MSANTD4: variants seen among roughly 807,000 people sequenced by gnomAD.
MSANTD4 encodes myb/SANT-like DNA-binding domain-containing protein 4.
In MSANTD4, 13 loss-of-function variants were observed where a neutral mutation model predicts 34.3. The observed-to-expected ratio is 0.38, with a 90% CI of 0.25 to 0.60. The LOEUF is 0.60. Ranked by LOEUF, MSANTD4 falls within the 20% of genes least tolerant of loss-of-function variation. The probability of loss-of-function intolerance (pLI) is 0.63; values close to 1 mark genes in which losing one functional copy is unlikely to be tolerated. For synonymous variants in MSANTD4, 137 were observed against 145.2 expected, an observed-to-expected ratio of 0.94 and a Z score of 0.41; for missense variants, 358 against 401.8, an observed-to-expected ratio of 0.89 and a Z score of 0.93.
Position 106,009,946 on chromosome 11 carries a change from T to G in MSANTD4, c.627A>C (p.Lys209Asn), listed in dbSNP as rs1274384709. 1.9e-6 allele frequency: 3 copies of G among 1,613,548 alleles called. No homozygotes were observed. Among genetic ancestry groups the G allele is most frequent in the Admixed American group, 3.3e-5 (2 of 60,002 alleles). The change falls in exon 3 of 3, where the codon AAA (lysine) becomes AAC (asparagine). Residue 209 changes from lysine to asparagine, a missense_variant. Physicochemically the swap from Lys to Asn is moderately conservative, Grantham distance 94. Coordinates refer to ENST00000301919, the MANE Select transcript of MSANTD4 (RefSeq NM_032424.3). ...DEPHLLVNIE[K>N]QKLELEKRRL... ...GTCGTTTTTCCAACTCTAGTTTCTG[T>G]TTCTCAATATTTACGAGCAAATGAG...
Position 106,021,028 on chromosome 11 carries a change from T to C in MSANTD4, c.-217A>G, listed in dbSNP as rs1471994853. 1 of 152,206 alleles carries C rather than the reference T, an allele frequency of 6.6e-6. No individual in the cohort carries two copies. Among genetic ancestry groups the C allele is most frequent in the Non-Finnish European group, 1.5e-5 (1 of 68,032 alleles). 9.4% of individuals were successfully genotyped at this position (152,206 alleles called of 1,614,324 possible). A position where few individuals can be genotyped will look rare whatever the true frequency, so the allele number is the denominator to read the frequency against. Reference sequence around the variant, plus strand: ...TCTCCTTTATATGCCGGTATCCAAGTAACAGAAGCTTGGGTTTTCTACCAT... The same window carrying C: ...TCTCCTTTATATGCCGGTATCCAAGCAACAGAAGCTTGGGTTTTCTACCAT... On this transcript the variant is annotated 5_prime_UTR_variant, in exon 1 of 3. Transcript: ENST00000301919.
chr11:106,011,445 C>T (rs1158404866), intron 1 of MSANTD4, among the ~76,000 whole-genome samples: 1 of 152,210 alleles, frequency 6.6e-6, no homozygotes, highest in Non-Finnish European at 1.5e-5. Context: ...AAATGGATTG[C>T]TCCCTTCTCG....
In MSANTD4 at chr11:106,009,933, A is replaced by G. The variant is rs77581633; in HGVS notation, c.640T>C (p.Leu214=). The G allele has an allele frequency of 0.023, 36,970 of 1,613,530 alleles. 523 individuals are homozygous for G. The highest frequency in any genetic ancestry group is 0.028 in the Non-Finnish European group (32,839 of 1,179,964). The part of the protein sequence containing the change: ...LVNIEKQKLE[L]EKRRLDIEAE... ...TCGATATCCAGTCGTCGTTTTTCCA[A>G]CTCTAGTTTCTGTTTCTCAATATTT... Residue 214 remains leucine, a synonymous_variant, in exon 3 of 3, where the codon TTG becomes CTG. Coordinates refer to ENST00000301919, the MANE Select transcript of MSANTD4 (RefSeq NM_032424.3).
At chr11:106,013,949 T>C (rs558882330) in intron 1 of MSANTD4, among the ~76,000 whole-genome samples, 3 of 152,366 alleles carry the variant, frequency 2.0e-5, no homozygotes, top group South Asian at 4.1e-4. Context: ...CTCTTACCTA[T>C]GTGGAAGGTC....
chr11:106,009,693 CTA>C lies in MSANTD4; in HGVS notation c.878_879del (p.Ile293ArgfsTer8). The C allele has an allele frequency of 6.2e-7, 1 of 1,614,196 alleles. No homozygotes were observed. Among genetic ancestry groups the C allele is most frequent in the Non-Finnish European group, 8.5e-7 (1 of 1,180,032 alleles). ...GEKSMLQPQD[I>X]ETEKLKLERE... Reference sequence around the variant, plus strand: ...CGCTCAAGTTTTAACTTCTCTGTTTCTATGTCCTGTGGTTGAAGCATGGATTT... The same window carrying C: ...CGCTCAAGTTTTAACTTCTCTGTTTCTGTCCTGTGGTTGAAGCATGGATTT... On this transcript the variant is annotated frameshift_variant, in exon 3 of 3. Coordinates refer to ENST00000301919, the MANE Select transcript of MSANTD4 (RefSeq NM_032424.3). LOFTEE classifies it high-confidence loss of function.
chr11:106,009,136 C>A lies in MSANTD4; in HGVS notation c.*399G>T. On this transcript the variant is annotated 3_prime_UTR_variant, in exon 3 of 3. Transcript: ENST00000301919. ...GGGTGTTGAGGAGGTATGCATTGCACAGTAGCAACCTTTTCCCCACCCCAG... is the reference window on the plus strand; with the variant it reads ...GGGTGTTGAGGAGGTATGCATTGCAAAGTAGCAACCTTTTCCCCACCCCAG... 1 of 167,100 alleles carries A rather than the reference C, an allele frequency of 6.0e-6. No individual in the cohort carries two copies. The highest frequency in any genetic ancestry group is 1.6e-4 in the South Asian group (1 of 6,226). 10.4% of individuals were successfully genotyped at this position (167,100 alleles called of 1,614,324 possible). A position where few individuals can be genotyped will look rare whatever the true frequency, so the allele number is the denominator to read the frequency against.
At chr11:106,019,343 A>G (rs770356289) in intron 1 of MSANTD4, among the ~76,000 whole-genome samples, 18 of 152,232 alleles carry the variant, frequency 1.2e-4, no homozygotes, top group Non-Finnish European at 1.9e-4. Flanking sequence ...AGAAACAGGT[A>G]AAAGTGAGTA....
At chr11:106,019,485 G>T (rs1188820458) in intron 1 of MSANTD4, among the ~76,000 whole-genome samples, 1 of 152,136 alleles carries the variant, frequency 6.6e-6, no homozygotes, top group African/African-American at 2.4e-5. Flanking sequence ...AAGCCATCAT[G>T]GTCCCTGACC....
Position 106,007,921 on chromosome 11 carries a change from T to A in MSANTD4, c.*1614A>T, listed in dbSNP as rs957747443. On this transcript the variant is annotated 3_prime_UTR_variant, in exon 3 of 3. Transcript: ENST00000301919. The stretch of plus-strand genomic sequence containing the variant: ...AAATTCTCAGATAGTATAGGCAAAT[T>A]TATTTCTATGGTAGAAGCATTTATT... 1.3e-5 allele frequency: 2 copies of A among 152,630 alleles called. No homozygotes were observed. The highest frequency in any genetic ancestry group is 4.8e-5 in the African/African-American group (2 of 41,456). 9.5% of individuals were successfully genotyped at this position (152,630 alleles called of 1,614,324 possible).
At chr11:106,013,810 C>A (rs773596454) in intron 1 of MSANTD4, among the ~76,000 whole-genome samples, 1 of 152,246 alleles carries the variant, frequency 6.6e-6, no homozygotes, top group Admixed American at 6.5e-5. Context: ...TGCAGTGAGC[C>A]GAGATTGTGC....
chr11:106,015,670 C>T (rs373013101), intron 1 of MSANTD4, among the ~76,000 whole-genome samples: 22 of 151,914 alleles, frequency 1.4e-4, no homozygotes, highest in African/African-American at 5.1e-4. Flanking sequence ...TTGGCCAAGA[C>T]GGCACTTACT....
chr11:106,012,100 G>A (rs762133169), intron 1 of MSANTD4, among the ~76,000 whole-genome samples: 28 of 145,504 alleles, frequency 1.9e-4, no homozygotes, highest in African/African-American at 6.1e-4. Flanking sequence ...AATTAATCAT[G>A]TAAGTAAAAA....
intron 1 of MSANTD4, among the ~76,000 whole-genome samples, chr11:106,011,883 T>C (rs1464079938): frequency 6.6e-6 from 1 of 152,164 alleles, no homozygotes; most frequent in Non-Finnish European, 1.5e-5. Flanking sequence ...AGAAACCAAT[T>C]TGAGACAATG....
intron 1 of MSANTD4, among the ~76,000 whole-genome samples, chr11:106,012,314 C>T (rs942036436): frequency 3.3e-5 from 5 of 152,122 alleles, no homozygotes; most frequent in South Asian, 2.1e-4. Context: ...CAAACAAAAG[C>T]CCCTAACATC....
chr11:106,010,172 A>G, intron 2 of MSANTD4, 62 bp from the exon 3 acceptor site: 4 of 1,429,500 alleles, frequency 2.8e-6, no homozygotes, highest in Non-Finnish European at 3.7e-6. Context: ...ATTTGTCTAA[A>G]TATTTCTTAA....
chr11:106,010,897 T>C lies in MSANTD4; in HGVS notation c.21A>G (p.Lys7=). The C allele has an allele frequency of 2.5e-6, 4 of 1,597,582 alleles. No individual in the cohort carries two copies. Among genetic ancestry groups the C allele is most frequent in the Non-Finnish European group, 3.4e-6 (4 of 1,172,104 alleles). MKQLKR[K]RKSNFSVQET... ...CTTGAACACTAAAATTGCTTTTCCT[T>C]TTTCTTTTCAACTGCTTCATTTTCA... Residue 7 remains lysine (K), a synonymous_variant, in exon 2 of 3, where the codon AAA becomes AAG. Coordinates refer to ENST00000301919, the MANE Select transcript of MSANTD4 (RefSeq NM_032424.3).
At chr11:106,016,816 A>T (rs921883322) in intron 1 of MSANTD4, among the ~76,000 whole-genome samples, 4 of 152,206 alleles carry the variant, frequency 2.6e-5, no homozygotes, top group Non-Finnish European at 5.9e-5. Context: ...AACAGGCTAT[A>T]TTGCTAGTCA....
In MSANTD4 at chr11:106,010,605, C is replaced by T. The variant is rs770944149; in HGVS notation, c.313G>A (p.Asp105Asn). 1.2e-6 allele frequency: 2 copies of T among 1,614,160 alleles called. No homozygotes were observed. The highest frequency in any genetic ancestry group is 1.7e-6 in the Non-Finnish European group (2 of 1,180,020). The part of the protein sequence containing the change: ...GFPLPSSDLD[D>N]SLTEEIDEKI... The stretch of plus-strand genomic sequence containing the variant: ...TCATCTATCTCTTCAGTGAGAGAGT[C>T]ATCCAAATCAGAGGAGGGAAGGGGA... Residue 105 changes from aspartate to asparagine, a missense_variant, in exon 2 of 3, where the codon GAC (aspartate) becomes AAC (asparagine). Coordinates refer to ENST00000301919, the MANE Select transcript of MSANTD4 (RefSeq NM_032424.3).
chr11:106,012,977 TC>T (rs1859739323), intron 1 of MSANTD4, among the ~76,000 whole-genome samples: 1 of 152,210 alleles, frequency 6.6e-6, no homozygotes, highest in African/African-American at 2.4e-5. Flanking sequence ...AGTCAGGGAC[TC>T]GATTGTCTCA....
Sources: allele counts gnomAD v4.1 joint callset (sites outside exome capture counted in the v4.1 genomes callset), GRCh38; gene constraint gnomAD v4.1.1; transcripts MANE v1.5; gene names NCBI Gene and HGNC (gene_info 2026-07-23, HGNC 2026-07-21).